Variants in ADAMTSL1 observed in about 807,000 individuals in gnomAD.
ADAMTSL1 encodes the protein ADAMTS-like protein 1.
Under a neutral mutation model 201.8 loss-of-function variants are expected in ADAMTSL1, and 126 were observed. That is an observed-to-expected ratio of 0.62 (90% CI 0.54 to 0.72). The LOEUF is 0.72. Among genes scored for constraint, ADAMTSL1 ranks in the 30% least tolerant of loss-of-function variants. The probability of loss-of-function intolerance (pLI) is 0.00; values close to 1 mark genes in which losing one functional copy is unlikely to be tolerated. For synonymous variants in ADAMTSL1, 1,121 were observed against 903.4 expected (o/e 1.24, Z -4.32); for missense variants, 2,679 against 2,277.8 (o/e 1.18, Z -3.59).
intron 1 of ADAMTSL1, among the ~76,000 whole-genome samples, chr9:18,097,705 A>T (rs1300851901): frequency 6.6e-6 from 1 of 152,184 alleles, no homozygotes; most frequent in African/African-American, 2.4e-5. Context: ...ATCTTTGTAG[A>T]GTATTTGTAG....
rs141952742 is a variant in ADAMTSL1, at chr9:18,335,022, A to G, written c.208-169807A>G. 3.8e-3 allele frequency among the ~76,000 whole-genome samples: 582 copies of G among 152,254 alleles called. 4 individuals carry two copies. The highest frequency in any genetic ancestry group is 0.013 in the African/African-American group (536 of 41,562). ...TATTTGTATATCATATATAATACAA[A>G]TTCCTGATAATTTAGATCCCTTAAT... On this transcript the variant is annotated intron_variant, in intron 2 of 29. Coordinates refer to the ADAMTSL1 transcript ENST00000680146.
At chr9:18,019,185 G>T (rs1325540856) in intron 1 of ADAMTSL1, among the ~76,000 whole-genome samples, 1 of 151,932 alleles carries the variant, frequency 6.6e-6, no homozygotes, top group Non-Finnish European at 1.5e-5. Context: ...TAATGAACTG[G>T]GTAACTTCTA....
At chr9:18,103,255 T>C (rs555833235) in intron 1 of ADAMTSL1, among the ~76,000 whole-genome samples, 3 of 152,328 alleles carry the variant, frequency 2.0e-5, no homozygotes, top group Non-Finnish European at 4.4e-5. Flanking sequence ...GTACATATTT[T>C]ACATGTTCAG....
chr9:18,820,147 A>C (rs1294224649), intron 21 of ADAMTSL1, among the ~76,000 whole-genome samples: 1 of 152,192 alleles, frequency 6.6e-6, no homozygotes, highest in Non-Finnish European at 1.5e-5. Flanking sequence ...GGACTCCATA[A>C]GGGCCTGCTT....
At chr9:18,195,762 C>T (rs1432998483) in intron 2 of ADAMTSL1, among the ~76,000 whole-genome samples, 2 of 152,102 alleles carry the variant, frequency 1.3e-5, no homozygotes, top group Admixed American at 6.6e-5. Context: ...ATTAGTGTCA[C>T]ACTTGAAAAC....
At chr9:18,806,813 C>T (rs973231995) in intron 20 of ADAMTSL1, among the ~76,000 whole-genome samples, 1 of 152,166 alleles carries the variant, frequency 6.6e-6, no homozygotes, top group African/African-American at 2.4e-5. Context: ...CAAAATGGTG[C>T]CTGGTTGGCT....
chr9:18,327,648 T>C (rs12005661), intron 2 of ADAMTSL1, among the ~76,000 whole-genome samples: 18,801 of 152,206 alleles, frequency 0.12, 3,038 homozygotes, highest in African/African-American at 0.38. Flanking sequence ...CCAGTTCTTG[T>C]TCCAATAGTT....
intron 7 of ADAMTSL1, 100 bp downstream of exon 7, chr9:18,639,511 G>C (rs932768207): frequency 1.3e-4 from 182 of 1,402,742 alleles, no homozygotes; most frequent in Non-Finnish European, 1.6e-4. Flanking sequence ...ACATATGTTT[G>C]GAAAGCCCGT....
intron 1 of ADAMTSL1, among the ~76,000 whole-genome samples, chr9:18,099,355 ATTTTTTT>A (rs397893715): frequency 4.0e-4 from 18 of 45,530 alleles, no homozygotes; most frequent in African/African-American, 5.7e-4. Context: ...ATATATATAT[ATTTTTTT>A]TTTTTTTTTT....
At chr9:18,548,772 T>G (rs1820622515) in intron 3 of ADAMTSL1, among the ~76,000 whole-genome samples, 1 of 151,696 alleles carries the variant, frequency 6.6e-6, no homozygotes, top group Non-Finnish European at 1.5e-5. Flanking sequence ...AAGAATAAAT[T>G]AGGGAGTAAA....
At chr9:18,533,817 GA>G (rs1032558246) in intron 3 of ADAMTSL1, among the ~76,000 whole-genome samples, 40 of 152,064 alleles carry the variant, frequency 2.6e-4, no homozygotes, top group Non-Finnish European at 1.9e-4. Context: ...CACATTCTAG[GA>G]AAAAAATATC....
intron 1 of ADAMTSL1, among the ~76,000 whole-genome samples, chr9:18,101,729 G>C (rs1156490305): frequency 6.6e-6 from 1 of 152,138 alleles, no homozygotes; most frequent in Non-Finnish European, 1.5e-5. Flanking sequence ...TTGCAGGTAG[G>C]ATTGAATAAA....
intron 23 of ADAMTSL1, among the ~76,000 whole-genome samples, chr9:18,846,395 C>G (rs983208940): frequency 6.6e-5 from 10 of 152,042 alleles, no homozygotes; most frequent in African/African-American, 2.4e-4. Flanking sequence ...GGAGAGGGGA[C>G]GAGCGCTTCA....
At chr9:18,817,736 C>T (rs994475134) in intron 21 of ADAMTSL1, among the ~76,000 whole-genome samples, 34 of 152,062 alleles carry the variant, frequency 2.2e-4, no homozygotes, top group Non-Finnish European at 4.7e-4. Context: ...GACAGAAAGG[C>T]CAAGTAAGAC....
intron 2 of ADAMTSL1, among the ~76,000 whole-genome samples, chr9:18,320,946 A>C (rs1045323448): frequency 6.6e-6 from 1 of 152,062 alleles, no homozygotes; most frequent in Non-Finnish European, 1.5e-5. Context: ...AGAAATAGAA[A>C]ACAAATAACA....
At chr9:18,841,827 A>T (rs1046432192) in intron 23 of ADAMTSL1, among the ~76,000 whole-genome samples, 3 of 152,100 alleles carry the variant, frequency 2.0e-5, no homozygotes, top group Non-Finnish European at 4.4e-5. Flanking sequence ...ATTTGCGTAG[A>T]GGTGTTTGTA....
intron 2 of ADAMTSL1, among the ~76,000 whole-genome samples, chr9:18,290,067 A>G (rs1450188723): frequency 3.3e-5 from 5 of 152,174 alleles, no homozygotes; most frequent in African/African-American, 1.2e-4. Context: ...TTCCAAGACC[A>G]AAAAGACTGG....
At chr9:18,859,163 G>T (rs1240704048) in intron 23 of ADAMTSL1, among the ~76,000 whole-genome samples, 1 of 152,172 alleles carries the variant, frequency 6.6e-6, no homozygotes, top group Non-Finnish European at 1.5e-5. Flanking sequence ...TACAGTTCTG[G>T]AGGTCAGAAG....
At chr9:18,428,065 G>A (rs1819305371) in intron 2 of ADAMTSL1, among the ~76,000 whole-genome samples, 1 of 152,108 alleles carries the variant, frequency 6.6e-6, no homozygotes, top group Non-Finnish European at 1.5e-5. Context: ...TTTCTTGAGG[G>A]CTACCCTTTG....
Sources: allele counts gnomAD v4.1 joint callset (sites outside exome capture counted in the v4.1 genomes callset), GRCh38; gene constraint gnomAD v4.1.1; transcripts MANE v1.5; gene names NCBI Gene and HGNC (gene_info 2026-07-23, HGNC 2026-07-21).